The following ARHGAP8 variants were observed in gnomAD, a reference collection of about 807,000 sequenced individuals.
ARHGAP8 encodes the protein rho GTPase-activating protein 8.
A neutral mutation model predicts 46.1 loss-of-function variants in ARHGAP8; 62 were observed. That is an observed-to-expected ratio of 1.34 (90% confidence interval 1.10 to 1.66). The LOEUF (loss-of-function observed/expected upper bound fraction) is 1.66. ARHGAP8 is among the 40% of genes most tolerant of loss of function. The probability of loss-of-function intolerance (pLI) is 0.00; values close to 1 mark genes in which losing one functional copy is unlikely to be tolerated. For missense variants in ARHGAP8, 923 were observed against 568.4 expected (o/e 1.62, Z -6.34); for synonymous variants, 375 against 243.1 (o/e 1.54, Z -5.05).
chr22:44,839,027 G>GA (rs933743738), intron 7 of ARHGAP8, among the ~76,000 whole-genome samples: 48 of 152,334 alleles, frequency 3.2e-4, no homozygotes, highest in African/African-American at 1.1e-3. Context: ...GCTCCTACGG[G>GA]AAGGGAGGGA....
At chr22:44,856,499 C>G (rs972029416) in intron 10 of ARHGAP8, among the ~76,000 whole-genome samples, 6 of 151,988 alleles carry the variant, frequency 3.9e-5, no homozygotes, top group African/African-American at 1.5e-4. Flanking sequence ...GTCTTGAACT[C>G]CTGATCTCAG....
In ARHGAP8 at chr22:44,849,190, C is replaced by T. The variant is rs1601518907; in HGVS notation, c.877+130C>T. On this transcript the variant is annotated intron_variant, in intron 10 of 11. Transcript: ENST00000356099. ...CCACCCTCCTCCTGTTGCCATCTGG[C>T]ACTGCAGGGCAAGAGAGGGGGTTGT... 6.6e-6 allele frequency: 10 copies of T among 1,516,498 alleles called. No homozygotes were observed. In the East Asian group the frequency reaches 2.3e-4, roughly 34 times the overall value. The allele number at this position is 1,516,498 out of a possible 1,614,324, so 93.9% of individuals were successfully genotyped here.
At chr22:44,819,793 C>T (rs1337378514) in intron 5 of ARHGAP8, among the ~76,000 whole-genome samples, 1 of 152,260 alleles carries the variant, frequency 6.6e-6, no homozygotes, top group Non-Finnish European at 1.5e-5. Context: ...ACATTTTCCC[C>T]ATTCCAAAGA....
chr22:44,814,798 G>T, intron 5 of ARHGAP8, 40 bp downstream of exon 5: 1 of 1,606,056 alleles, frequency 6.2e-7, no homozygotes, highest in Non-Finnish European at 8.5e-7. Context: ...TGGGGTTGGA[G>T]GTTTCACCCC....
At chr22:44,757,443 A>G (rs1035696481) in intron 1 of ARHGAP8, among the ~76,000 whole-genome samples, 8 of 151,818 alleles carry the variant, frequency 5.3e-5, no homozygotes, top group African/African-American at 1.9e-4. Flanking sequence ...ACACCTGGCT[A>G]ATTTTGTATT....
chr22:44,842,569 C>G (rs1212024431), intron 7 of ARHGAP8, among the ~76,000 whole-genome samples: 2 of 152,184 alleles, frequency 1.3e-5, no homozygotes, highest in Non-Finnish European at 2.9e-5. Context: ...GTGGCTCAGG[C>G]AGGTGGGGCT....
intron 10 of ARHGAP8, among the ~76,000 whole-genome samples, chr22:44,851,672 C>G (rs145589686): frequency 0.013 from 1,986 of 152,124 alleles, 41 homozygotes; most frequent in African/African-American, 0.046. Context: ...GACCCCATCT[C>G]TACAAAAGAT....
chr22:44,832,058 T>C (rs928919396), intron 7 of ARHGAP8, among the ~76,000 whole-genome samples: 2 of 152,192 alleles, frequency 1.3e-5, no homozygotes, highest in Admixed American at 1.3e-4. Context: ...GGTATTGCCA[T>C]CTTGAAAATA....
chr22:44,777,814 C>T (rs952903655), intron 1 of ARHGAP8, among the ~76,000 whole-genome samples: 2 of 151,948 alleles, frequency 1.3e-5, no homozygotes, highest in African/African-American at 4.8e-5. Flanking sequence ...TCCTGCCTGA[C>T]CCTCCCAAGT....
intron 2 of ARHGAP8, among the ~76,000 whole-genome samples, chr22:44,787,029 C>CAAAAA (rs34957650): frequency 1.2e-4 from 11 of 94,830 alleles, no homozygotes; most frequent in African/African-American, 2.8e-4. Context: ...GACCCTGTCT[C>CAAAAA]AAAAAAACAA....
At chr22:44,806,446 G>A (rs1351720737) in intron 3 of ARHGAP8, among the ~76,000 whole-genome samples, 1 of 152,202 alleles carries the variant, frequency 6.6e-6, no homozygotes, top group Non-Finnish European at 1.5e-5. Flanking sequence ...AGTTCTCAGA[G>A]ACGCTGAGTG....
intron 5 of ARHGAP8, among the ~76,000 whole-genome samples, 195 bp downstream of exon 5, chr22:44,814,953 C>T (rs546136072): frequency 4.5e-4 from 68 of 152,216 alleles, no homozygotes; most frequent in African/African-American, 1.4e-3. Flanking sequence ...AGTGCAGTGC[C>T]GGCCTTTGGC....
chr22:44,814,241 T>C (rs985943233), intron 4 of ARHGAP8, among the ~76,000 whole-genome samples: 2 of 152,232 alleles, frequency 1.3e-5, no homozygotes, highest in Non-Finnish European at 2.9e-5. Context: ...GTTTAGGTTA[T>C]TGCCGGGTTT....
chr22:44,801,928 C>G, intron 2 of ARHGAP8, 149 bp from the exon 3 acceptor site: 1 of 760,472 alleles, frequency 1.3e-6, no homozygotes, highest in Non-Finnish European at 2.2e-6. Flanking sequence ...GTGATGGATG[C>G]TCACTCAGCA....
At chr22:44,794,146 G>A (rs191964134) in intron 2 of ARHGAP8, among the ~76,000 whole-genome samples, 3 of 152,320 alleles carry the variant, frequency 2.0e-5, no homozygotes, top group African/African-American at 7.2e-5. Flanking sequence ...GAGAAGATGG[G>A]ACACAGCACT....
At chr22:44,849,562 C>G in intron 10 of ARHGAP8, 1 of 154,776 alleles carries the variant, frequency 6.5e-6, no homozygotes, top group Non-Finnish European at 1.4e-5. Flanking sequence ...ACAGATGACT[C>G]GTAAAAAACT....
chr22:44,818,186 C>A (rs561610061), intron 5 of ARHGAP8, among the ~76,000 whole-genome samples: 2 of 152,118 alleles, frequency 1.3e-5, no homozygotes, highest in East Asian at 3.9e-4. Context: ...CAGTGGCTCA[C>A]GCCTGTAATC....
Position 44,772,875 on chromosome 22 carries a change from G to A in ARHGAP8, c.-71-13582G>A, listed in dbSNP as rs147399792. ...CTCCCAGGTCTCCCGTGATTGTGCCGTGGTGCAATCATGTCTCATTGCAGC... is the reference window on the plus strand; with the variant it reads ...CTCCCAGGTCTCCCGTGATTGTGCCATGGTGCAATCATGTCTCATTGCAGC... On this transcript the variant is annotated intron_variant, in intron 1 of 11. Coordinates refer to ENST00000356099, the MANE Select transcript of ARHGAP8 (RefSeq NM_181335.3). Among the ~76,000 whole-genome samples, 528 of 138,520 alleles carry A rather than the reference G, an allele frequency of 3.8e-3. 2 individuals carry two copies. Among genetic ancestry groups the A allele is most frequent in the South Asian group, 6.2e-3 (27 of 4,326 alleles). 90.9% of individuals were successfully genotyped at this position (138,520 alleles called of 152,430 possible).
At chr22:44,841,359 C>T (rs136674) in intron 7 of ARHGAP8, among the ~76,000 whole-genome samples, 48,909 of 151,954 alleles carry the variant, frequency 0.32, 9,380 homozygotes, top group East Asian at 0.59. Flanking sequence ...TCTCACCCGC[C>T]TGCCCACCCT....
Sources: gnomAD v4.1 joint callset for allele counts (sites outside exome capture counted in the v4.1 genomes callset) on GRCh38, gnomAD v4.1.1 for gene constraint, MANE v1.5 for transcripts, NCBI Gene and HGNC (gene_info 2026-07-23, HGNC 2026-07-21) for gene names.